Variants in SULF1 observed in about 807,000 individuals in gnomAD.
SULF1 encodes the protein extracellular sulfatase Sulf-1.
SULF1 carries 46 observed loss-of-function variants against 110.5 expected under a neutral mutation model. That is an observed-to-expected ratio of 0.42 (90% CI 0.33 to 0.53). The LOEUF (loss-of-function observed/expected upper bound fraction) is 0.53. Among genes scored for constraint, SULF1 ranks in the 20% least tolerant of loss-of-function variants. The pLI, the probability that SULF1 is intolerant of heterozygous loss-of-function variation, is 0.12. For missense variants in SULF1, 941 were observed against 1,094.2 expected (o/e 0.86, Z 1.98); for synonymous variants, 371 against 387.1 (o/e 0.96, Z 0.49).
upstream of SULF1, among the ~76,000 whole-genome samples, chr8:69,489,279 A>C (rs1300734464): frequency 2.0e-5 from 3 of 152,184 alleles, no homozygotes; most frequent in Non-Finnish European, 4.4e-5. Context: ...TAGATTGATA[A>C]AATGGGAGTT....
At chr8:69,564,722 C>G (rs1014701212) in intron 5 of SULF1, among the ~76,000 whole-genome samples, 1 of 152,194 alleles carries the variant, frequency 6.6e-6, no homozygotes, top group Non-Finnish European at 1.5e-5. Context: ...ACCCAGAAAG[C>G]CTGCCAAAAT....
chr8:69,582,765 T>C (rs115108588), intron 6 of SULF1, among the ~76,000 whole-genome samples: 3,077 of 151,984 alleles, frequency 0.02, 92 homozygotes, highest in African/African-American at 0.068. Context: ...AGCACGGGGC[T>C]TGAGGCTGTT....
intron 6 of SULF1, among the ~76,000 whole-genome samples, chr8:69,581,895 C>T: frequency 6.6e-6 from 1 of 152,144 alleles, no homozygotes; most frequent in East Asian, 1.9e-4. Context: ...CCCCATCAGC[C>T]TTGGAATGAG....
chr8:69,488,837 A>C (rs1402220148), upstream of SULF1, among the ~76,000 whole-genome samples: 1 of 152,104 alleles, frequency 6.6e-6, no homozygotes, highest in Non-Finnish European at 1.5e-5. Flanking sequence ...CACCGGGAAC[A>C]GAGTGGACAA....
chr8:69,482,063 C>A (rs578041730), intron 1 of SULF1, among the ~76,000 whole-genome samples: 1 of 152,200 alleles, frequency 6.6e-6, no homozygotes, highest in African/African-American at 2.4e-5. Context: ...ATAACCTCCA[C>A]CAAAAAGACC....
At chr8:69,570,744 G>A (rs1805170699) in intron 5 of SULF1, among the ~76,000 whole-genome samples, 1 of 152,162 alleles carries the variant, frequency 6.6e-6, no homozygotes, top group South Asian at 2.1e-4. Context: ...CTGAAGGGTG[G>A]CACTTCTCCC....
At chr8:69,610,359 A>C (rs1299669883) in intron 13 of SULF1, among the ~76,000 whole-genome samples, 2 of 152,204 alleles carry the variant, frequency 1.3e-5, no homozygotes, top group African/African-American at 4.8e-5. Flanking sequence ...GAGCATGAAT[A>C]ATAAGACATT....
At chr8:69,565,248 A>G (rs1586417326) in intron 5 of SULF1, among the ~76,000 whole-genome samples, 2 of 151,420 alleles carry the variant, frequency 1.3e-5, no homozygotes, top group South Asian at 2.1e-4. Context: ...TAACAAGGGT[A>G]TTGATTTTCA....
chr8:69,566,643 G>T (rs1815903369), intron 5 of SULF1, among the ~76,000 whole-genome samples: 1 of 152,090 alleles, frequency 6.6e-6, no homozygotes, highest in Admixed American at 6.5e-5. Context: ...CTGAGGTCAG[G>T]AGTTCAAGAC....
chr8:69,480,267 G>T (rs1451820224), intron 1 of SULF1, among the ~76,000 whole-genome samples: 1 of 152,190 alleles, frequency 6.6e-6, no homozygotes, highest in African/African-American at 2.4e-5. Context: ...AAAGCAGTGT[G>T]TCATTTCTGT....
intron 3 of SULF1, among the ~76,000 whole-genome samples, chr8:69,517,548 G>A (rs891148211): frequency 6.6e-6 from 1 of 152,094 alleles, no homozygotes; most frequent in Admixed American, 6.6e-5. Context: ...ACGATATAAG[G>A]TTTTATCATT....
At chr8:69,628,830 C>A (rs565240214) in intron 18 of SULF1, among the ~76,000 whole-genome samples, 21 of 152,250 alleles carry the variant, frequency 1.4e-4, no homozygotes, top group African/African-American at 5.1e-4. Flanking sequence ...ATTCAACTAA[C>A]CTTTAACTCG....
chr8:69,542,669 A>G (rs1813941570), intron 3 of SULF1, among the ~76,000 whole-genome samples: 1 of 152,198 alleles, frequency 6.6e-6, no homozygotes, highest in Non-Finnish European at 1.5e-5. Context: ...CAGCATCCTC[A>G]ATTTTAAAAT....
chr8:69,496,729 C>A (rs1020322774), intron 2 of SULF1, among the ~76,000 whole-genome samples: 3 of 152,212 alleles, frequency 2.0e-5, no homozygotes, highest in Admixed American at 6.5e-5. Flanking sequence ...AAGTACTACA[C>A]CCTCACAATC....
At chr8:69,523,440 C>T (rs1054542036) in intron 3 of SULF1, among the ~76,000 whole-genome samples, 3 of 151,898 alleles carry the variant, frequency 2.0e-5, no homozygotes, top group African/African-American at 4.8e-5. Context: ...AGTATGTTTG[C>T]GAGGCAGTAT....
At chr8:69,552,295 TA>T (rs1424140027) in intron 3 of SULF1, among the ~76,000 whole-genome samples, 1 of 152,212 alleles carries the variant, frequency 6.6e-6, no homozygotes, top group African/African-American at 2.4e-5. Flanking sequence ...CCAAGTGTGG[TA>T]AAGATGTTTC....
chr8:69,557,764 G>A (rs188710682), intron 3 of SULF1, among the ~76,000 whole-genome samples: 1 of 152,330 alleles, frequency 6.6e-6, no homozygotes, highest in Admixed American at 6.5e-5. Flanking sequence ...GAGCTTTGAA[G>A]ATTCCTTCCA....
chr8:69,624,115 T>G lies in SULF1; in HGVS notation c.1768T>G (p.Ser590Ala). Residue 590 changes from serine to alanine, a missense_variant, in exon 15 of 23, where the codon TCC becomes GCC. Coordinates refer to ENST00000402687, the MANE Select transcript of SULF1 (RefSeq NM_001128205.2). ...GHKGPRDLQASSGGNRGRMLA... is the reference protein window; with the variant it reads ...GHKGPRDLQAASGGNRGRMLA... ...CAAGGGGCCAAGAGATCTCCAGGCT[T>G]CCAGTGGTGGCAACAGGGGCAGGAT... The G allele has an allele frequency of 7.4e-6, 12 of 1,613,832 alleles. No individual in the cohort carries two copies. Among genetic ancestry groups the G allele is most frequent in the Non-Finnish European group, 9.3e-6 (11 of 1,179,776 alleles).
chr8:69,485,003 T>C (rs1809648722), intron 1 of SULF1, among the ~76,000 whole-genome samples: 2 of 152,138 alleles, frequency 1.3e-5, no homozygotes, highest in South Asian at 4.1e-4. Flanking sequence ...AGCACCCGGC[T>C]ACAGCCAGCT....
Sources: gnomAD v4.1 joint callset for allele counts (sites outside exome capture counted in the v4.1 genomes callset) on GRCh38, gnomAD v4.1.1 for gene constraint, MANE v1.5 for transcripts, NCBI Gene and HGNC (gene_info 2026-07-23, HGNC 2026-07-21) for gene names.